Variants in GPR158 observed in about 807,000 individuals in gnomAD.
GPR158 encodes G protein-coupled receptor 158.
A neutral mutation model predicts 78.2 loss-of-function variants in GPR158; 30 were observed. The ratio of observed to expected loss-of-function variants is 0.38; its 90% CI spans 0.29 to 0.52. The LOEUF (loss-of-function observed/expected upper bound fraction) is 0.52, where lower values mean the gene tolerates loss of function less well. Ranked by LOEUF, GPR158 falls within the 20% of genes least tolerant of loss-of-function variation. The probability of loss-of-function intolerance (pLI) is 0.83; values close to 1 mark genes in which losing one functional copy is unlikely to be tolerated. For missense variants in GPR158, 1,463 were observed against 1,523.5 expected (o/e 0.96, Z 0.66); for synonymous variants, 581 against 591.1 (o/e 0.98, Z 0.25).
At chr10:25,247,972 C>T (rs1318608029) in intron 2 of GPR158, among the ~76,000 whole-genome samples, 1 of 150,926 alleles carries the variant, frequency 6.6e-6, no homozygotes, top group Non-Finnish European at 1.5e-5. Flanking sequence ...TCCTCTCCAG[C>T]ACCTGTTGTT....
intron 2 of GPR158, among the ~76,000 whole-genome samples, chr10:25,322,851 T>G (rs1441601824): frequency 2.0e-5 from 3 of 151,892 alleles, no homozygotes; most frequent in African/African-American, 7.3e-5. Context: ...TCTTTTTTTT[T>G]GTTTGTTTGT....
In GPR158 at chr10:25,434,710, G is replaced by C. The variant is rs1315805148; in HGVS notation, c.1335+22237G>C. Among the ~76,000 whole-genome samples the C allele has an allele frequency of 2.0e-5, 3 of 152,136 alleles. No individual in the cohort carries two copies. In the East Asian group the frequency reaches 5.8e-4, roughly 29 times the overall value. On this transcript the variant is annotated intron_variant, in intron 4 of 10. Coordinates refer to ENST00000376351, the MANE Select transcript of GPR158 (RefSeq NM_020752.3). ...CAGTGTGTTGAGAATAGTGATTAAG[G>C]TCACAGACGTTAAAGTCCATCTATC... is the stretch of plus-strand genomic sequence containing the variant.
intron 1 of GPR158, among the ~76,000 whole-genome samples, chr10:25,186,741 A>T (rs1852692962): frequency 6.6e-6 from 1 of 152,154 alleles, no homozygotes; most frequent in South Asian, 2.1e-4. Context: ...ATAGCCTATC[A>T]ACCAAAAAAA....
At chr10:25,314,841 G>GTCATATA (rs1564419457) in intron 2 of GPR158, among the ~76,000 whole-genome samples, 27 of 114,868 alleles carry the variant, frequency 2.4e-4, no homozygotes, top group East Asian at 7.1e-4. Context: ...ACATATACAC[G>GTCATATA]TATATACATA....
At chr10:25,243,231 A>G (rs1483889954) in intron 2 of GPR158, among the ~76,000 whole-genome samples, 1 of 152,182 alleles carries the variant, frequency 6.6e-6, no homozygotes, top group African/African-American at 2.4e-5. Flanking sequence ...CTGGCCTAGA[A>G]TGTTTCTTTA....
intron 5 of GPR158, among the ~76,000 whole-genome samples, chr10:25,503,896 T>C (rs895577610): frequency 1.3e-5 from 2 of 151,186 alleles, no homozygotes; most frequent in Non-Finnish European, 3.0e-5. Flanking sequence ...ATTTTCACTT[T>C]TTTTTTTTTT....
intron 2 of GPR158, among the ~76,000 whole-genome samples, chr10:25,229,803 G>A (rs1281627415): frequency 1.3e-5 from 2 of 152,146 alleles, no homozygotes; most frequent in Non-Finnish European, 2.9e-5. Context: ...GAGAGATGAT[G>A]GGATATTATC....
At chr10:25,334,700 C>T (rs1422941922) in intron 2 of GPR158, among the ~76,000 whole-genome samples, 1 of 151,962 alleles carries the variant, frequency 6.6e-6, no homozygotes, top group East Asian at 1.9e-4. Context: ...ACCCAGTTCT[C>T]CTTGTAAGAT....
At chr10:25,399,748 C>T (rs889342637) in intron 3 of GPR158, among the ~76,000 whole-genome samples, 7 of 152,138 alleles carry the variant, frequency 4.6e-5, no homozygotes, top group East Asian at 1.9e-4. Context: ...GGGTCATCAT[C>T]GAAGAACTAC....
Position 25,374,683 on chromosome 10 carries a change from G to A in GPR158, c.1009-21228G>A, listed in dbSNP as rs75443539. On this transcript the variant is annotated intron_variant, in intron 2 of 10. Transcript: ENST00000376351. ...GCAACCTTTTGAGACTGTTTTCTCC[G>A]CATAATTCATATGAGATCTGTCCAA... Among the ~76,000 whole-genome samples, 180 of 151,696 alleles carry A rather than the reference G, an allele frequency of 1.2e-3. 4 individuals carry two copies. The East Asian group carries it at 0.032, about 27-fold the overall frequency.
At chr10:25,567,771 T>C (rs919800728) in intron 6 of GPR158, among the ~76,000 whole-genome samples, 1 of 152,118 alleles carries the variant, frequency 6.6e-6, no homozygotes, top group African/African-American at 2.4e-5. Flanking sequence ...GAGCCAGTGA[T>C]TGTAAACAGG....
At chr10:25,236,007 T>G (rs1853519477) in intron 2 of GPR158, among the ~76,000 whole-genome samples, 1 of 152,030 alleles carries the variant, frequency 6.6e-6, no homozygotes, top group South Asian at 2.1e-4. Context: ...GCACAGTACA[T>G]TCTTCATAAA....
At chr10:25,317,726 G>GTTTGTTT (rs1854878357) in intron 2 of GPR158, among the ~76,000 whole-genome samples, 1 of 140,140 alleles carries the variant, frequency 7.1e-6, no homozygotes, top group African/African-American at 2.9e-5. Context: ...GTTTTTTTTT[G>GTTTGTTT]TTTTGTTTTG....
intron 5 of GPR158, among the ~76,000 whole-genome samples, chr10:25,547,991 A>G (rs187016784): frequency 6.6e-6 from 1 of 152,242 alleles, no homozygotes; most frequent in East Asian, 1.9e-4. Flanking sequence ...TCCACATCTG[A>G]TGTTTTTTAT....
chr10:25,376,170 A>T (rs553851871), intron 2 of GPR158, among the ~76,000 whole-genome samples: 4 of 151,632 alleles, frequency 2.6e-5, no homozygotes, highest in African/African-American at 9.6e-5. Flanking sequence ...ATTTTGGATG[A>T]TTATAAATGG....
intron 2 of GPR158, among the ~76,000 whole-genome samples, chr10:25,392,093 G>A (rs1264603252): frequency 6.6e-6 from 1 of 152,162 alleles, no homozygotes; most frequent in Admixed American, 6.5e-5. Flanking sequence ...CAGCCATGTG[G>A]AACTGTGAGT....
intron 5 of GPR158, among the ~76,000 whole-genome samples, chr10:25,513,756 A>C (rs1588893709): frequency 6.6e-6 from 1 of 152,114 alleles, no homozygotes; most frequent in East Asian, 1.9e-4. Flanking sequence ...TAAAATTTTC[A>C]TTTTGATTTC....
intron 1 of GPR158, among the ~76,000 whole-genome samples, chr10:25,187,256 C>T (rs912787994): frequency 8.6e-5 from 13 of 151,070 alleles, no homozygotes; most frequent in Non-Finnish European, 1.2e-4. Context: ...TTAGCCACCG[C>T]GTCCGGCCCT....
intron 2 of GPR158, among the ~76,000 whole-genome samples, chr10:25,266,855 A>T (rs1854051633): frequency 6.6e-6 from 1 of 152,192 alleles, no homozygotes. Flanking sequence ...TGTCCATGAA[A>T]ATACTAGTGA....
Sources: gnomAD v4.1 joint callset for allele counts (sites outside exome capture counted in the v4.1 genomes callset) on GRCh38, gnomAD v4.1.1 for gene constraint, MANE v1.5 for transcripts, NCBI Gene and HGNC (gene_info 2026-07-23, HGNC 2026-07-21) for gene names.